QTRT2: variants seen among roughly 807,000 people sequenced by gnomAD.
QTRT2 encodes queuine tRNA-ribosyltransferase accessory subunit 2.
In QTRT2, 32 loss-of-function variants were observed where a neutral mutation model predicts 44.8. The observed-to-expected ratio is 0.71, with a 90% confidence interval of 0.54 to 0.96. QTRT2 has a LOEUF of 0.96. QTRT2 is among the 40% of genes least tolerant of loss of function. QTRT2 has a pLI of 0.00. For missense variants in QTRT2, 461 were observed against 503.1 expected, an observed-to-expected ratio of 0.92 and a Z score of 0.80; for synonymous variants, 182 against 187.4, an observed-to-expected ratio of 0.97 and a Z score of 0.24.
intron 2 of QTRT2, among the ~76,000 whole-genome samples, chr3:114,059,913 T>C (rs1004402408): frequency 6.6e-6 from 1 of 152,244 alleles, no homozygotes; most frequent in African/African-American, 2.4e-5. Flanking sequence ...TCCAGCTGGC[T>C]GAGTGGGTTC....
intron 2 of QTRT2, among the ~76,000 whole-genome samples, chr3:114,062,904 T>C (rs987451087): frequency 6.6e-6 from 1 of 152,246 alleles, no homozygotes; most frequent in African/African-American, 2.4e-5. Flanking sequence ...ACATTTAAAC[T>C]CTTTACATAC....
chr3:114,082,204 C>CCCCACACA (rs1390512057), intron 8 of QTRT2, among the ~76,000 whole-genome samples: 1 of 138,784 alleles, frequency 7.2e-6, no homozygotes, highest in Non-Finnish European at 1.5e-5. Flanking sequence ...GATAACCCCA[C>CCCCACACA]CACACACACA....
intron 2 of QTRT2, among the ~76,000 whole-genome samples, chr3:114,064,491 A>G (rs2076927254): frequency 6.6e-6 from 1 of 152,230 alleles, no homozygotes. Flanking sequence ...CCCAACAAGT[A>G]ATTGATAATG....
At chr3:114,073,384 T>C (rs2077048517) in intron 6 of QTRT2, among the ~76,000 whole-genome samples, 3 of 152,152 alleles carry the variant, frequency 2.0e-5, no homozygotes, top group Non-Finnish European at 4.4e-5. Context: ...TGTTTTGTTT[T>C]GTTTGTTTTT....
At chr3:114,060,099 G>A (rs1239999237) in intron 2 of QTRT2, among the ~76,000 whole-genome samples, 1 of 152,166 alleles carries the variant, frequency 6.6e-6, no homozygotes, top group Non-Finnish European at 1.5e-5. Context: ...TGTTTCTTCA[G>A]TTGAGGAAAG....
chr3:114,056,859 T>A lies in QTRT2; in HGVS notation c.-135T>A. The A allele has an allele frequency of 6.5e-7, 1 of 1,535,976 alleles. No homozygotes were observed. Among genetic ancestry groups the A allele is most frequent in the South Asian group, 1.2e-5 (1 of 84,014 alleles). On this transcript the variant is annotated 5_prime_UTR_variant, in exon 1 of 10. Transcript: ENST00000281273. ...AGACTGAAAGAGTCGAATGGTTTGT[T>A]GGCAGGTAAGTGCCCCTTTGCCCTG...
chr3:114,082,753 C>T lies in QTRT2; in HGVS notation c.975C>T (p.Asn325=). 1.3e-6 allele frequency: 2 copies of T among 1,509,720 alleles called. No individual in the cohort carries two copies. Among genetic ancestry groups the T allele is most frequent in the Non-Finnish European group, 1.8e-6 (2 of 1,104,134 alleles). The allele number at this position is 1,509,720 out of a possible 1,614,324, so 93.5% of individuals were successfully genotyped here. ...AGAAAATTGAAACAACTGGTTGCAA[C>T]CAAGAAATAACATCATTTGAAATTA... The part of the protein sequence containing the change: ...QIKKIETTGC[N]QEITSFEINL... Residue 325 remains asparagine (N), a synonymous_variant, in exon 9 of 10, where the codon AAC becomes AAT. Coordinates refer to ENST00000281273, the MANE Select transcript of QTRT2 (RefSeq NM_024638.4).
chr3:114,078,015 G>C (rs1234794867), intron 7 of QTRT2: 1 of 152,084 alleles, frequency 6.6e-6, no homozygotes, highest in African/African-American at 2.4e-5. Context: ...CTTTTTTAAA[G>C]ATCCAAGTAC....
Position 114,085,714 on chromosome 3 carries a change from G to A in QTRT2, c.1058G>A (p.Cys353Tyr). Residue 353 changes from cysteine (C) to tyrosine (Y), a missense_variant, in exon 10 of 10, where the codon TGT becomes TAT. Transcript: ENST00000281273. ...AACCCGCTGGTGAGAGGATGTTCCT[G>A]TTACTGCTGTAAGAATCACACTCGG... Reference protein sequence around the residue: ...DFNPLVRGCSCYCCKNHTRAY... With the variant: ...DFNPLVRGCSYYCCKNHTRAY... The A allele has an allele frequency of 6.2e-7, 1 of 1,614,174 alleles. No homozygotes were observed. The highest frequency in any genetic ancestry group is 8.5e-7 in the Non-Finnish European group (1 of 1,180,028).
Position 114,062,560 on chromosome 3 carries a change from T to C in QTRT2, c.-21-2677T>C, listed in dbSNP as rs373238446. ...TAGTAATGGAACTCTATAAACTATT[T>C]TCAGTATTTCTAAAGTCTAATGGTA... On this transcript the variant is annotated intron_variant, in intron 2 of 9. Coordinates refer to ENST00000281273, the MANE Select transcript of QTRT2 (RefSeq NM_024638.4). 4.6e-4 allele frequency among the ~76,000 whole-genome samples: 70 copies of C among 152,152 alleles called. 1 individual carries two copies. In the South Asian group the frequency reaches 8.3e-3, roughly 18 times the overall value.
chr3:114,083,314 C>CTGTTGTTGT (rs56306334), intron 9 of QTRT2, among the ~76,000 whole-genome samples: 129 of 150,304 alleles, frequency 8.6e-4, no homozygotes, highest in African/African-American at 2.9e-3. Context: ...GTTGCTGCTG[C>CTGTTGTTGT]TGTTGTTGTT....
At chr3:114,066,195 AT>A (rs753120355) in intron 3 of QTRT2, 32 bp from the exon 4 acceptor site, 1 of 1,488,092 alleles carries the variant, frequency 6.7e-7, no homozygotes, top group South Asian at 1.1e-5. Flanking sequence ...ATGACACATT[AT>A]TATGTTATGT....
Position 114,076,796 on chromosome 3 carries a change from A to G in QTRT2, c.600A>G (p.Glu200=). ...TGATTGAAGGTGGAGATGTGATGGA[A>G]GAGAGGCTGAGGTCAGCACGAGAGA... ...IGVIEGGDVM[E]ERLRSARETA... The change falls in exon 7 of 10, where the codon GAA becomes GAG. Residue 200 remains glutamate, a synonymous_variant. Coordinates refer to ENST00000281273, the MANE Select transcript of QTRT2 (RefSeq NM_024638.4). 1 of 1,614,212 alleles carries G rather than the reference A, an allele frequency of 6.2e-7. No homozygotes were observed. Among genetic ancestry groups the G allele is most frequent in the Non-Finnish European group, 8.5e-7 (1 of 1,180,036 alleles).
In QTRT2 at chr3:114,085,839, C is replaced by T. The variant is rs764446881; in HGVS notation, c.1183C>T (p.Arg395Trp). The change falls in exon 10 of 10, where the codon CGG (arginine) becomes TGG (tryptophan). Residue 395 changes from arginine (R) to tryptophan (W), a missense_variant. Arg to Trp is a moderately radical substitution (Grantham distance 101, BLOSUM62 -3). Coordinates refer to ENST00000281273, the MANE Select transcript of QTRT2 (RefSeq NM_024638.4). ...CTACTTTGGGTTTTTCCATTACATC[C>T]GGGAAGCACTAAAAAGTGACAAACT... ...EHYFGFFHYIREALKSDKLAQ... is the reference protein window; with the variant it reads ...EHYFGFFHYIWEALKSDKLAQ... 12 of 1,613,986 alleles carry T rather than the reference C, an allele frequency of 7.4e-6. No individual in the cohort carries two copies. Among genetic ancestry groups the T allele is most frequent in the African/African-American group, 4.0e-5 (3 of 74,884 alleles).
At chr3:114,075,504 ATTTTTTT>A (rs34436490) in intron 6 of QTRT2, among the ~76,000 whole-genome samples, 2 of 118,754 alleles carry the variant, frequency 1.7e-5, no homozygotes, top group African/African-American at 3.3e-5. Flanking sequence ...AGTTTTACTG[ATTTTTTT>A]TTTTTTTTTT....
intron 5 of QTRT2, among the ~76,000 whole-genome samples, chr3:114,068,943 G>A (rs1024589959): frequency 6.6e-6 from 1 of 152,128 alleles, no homozygotes; most frequent in Non-Finnish European, 1.5e-5. Context: ...CAGCTACTTG[G>A]GAGGTGGAGG....
intron 8 of QTRT2, among the ~76,000 whole-genome samples, chr3:114,082,313 C>T (rs2077178354): frequency 2.0e-5 from 3 of 151,840 alleles, no homozygotes; most frequent in African/African-American, 7.3e-5. Flanking sequence ...GTACTCCTGA[C>T]CTCAGGCAAT....
At chr3:114,063,815 G>A (rs959642816) in intron 2 of QTRT2, among the ~76,000 whole-genome samples, 1 of 151,924 alleles carries the variant, frequency 6.6e-6, no homozygotes, top group Admixed American at 6.6e-5. Context: ...AAAAAGTAAT[G>A]TTTTTATTCT....
At chr3:114,065,542 T>G in intron 3 of QTRT2, 85 bp downstream of exon 3, 1 of 989,660 alleles carries the variant, frequency 1.0e-6, no homozygotes, top group Non-Finnish European at 1.5e-6. Context: ...TATTTTTTTT[T>G]GTTCATATAT....
Sources: allele counts gnomAD v4.1 joint callset (sites outside exome capture counted in the v4.1 genomes callset), GRCh38; gene constraint gnomAD v4.1.1; transcripts MANE v1.5; gene names NCBI Gene and HGNC (gene_info 2026-07-23, HGNC 2026-07-21).